The following RGS21 variants were observed in gnomAD, a reference collection of about 807,000 sequenced individuals.
The protein encoded by RGS21 is regulator of G protein signaling 21.
A neutral mutation model predicts 18.7 loss-of-function variants in RGS21; 19 were observed. The observed-to-expected ratio is 1.01, with a 90% CI of 0.71 to 1.49. RGS21 has a LOEUF of 1.49. Ranked by LOEUF, RGS21 falls within the 40% of genes most tolerant of loss-of-function variation. RGS21 has a pLI of 0.00. For synonymous variants in RGS21, 56 were observed against 57.8 expected, an observed-to-expected ratio of 0.97 and a Z score of 0.14; for missense variants, 194 against 176.8, an observed-to-expected ratio of 1.10 and a Z score of -0.55.
chr1:192,358,737 C>T (rs565980684), intron 4 of RGS21, among the ~76,000 whole-genome samples: 7 of 152,144 alleles, frequency 4.6e-5, no homozygotes, highest in Admixed American at 3.9e-4. Context: ...GCACAGATTA[C>T]GGTCACAAGA....
chr1:192,355,558 A>G (rs1031197972), intron 4 of RGS21, among the ~76,000 whole-genome samples: 1 of 151,570 alleles, frequency 6.6e-6, no homozygotes, highest in African/African-American at 2.4e-5. Flanking sequence ...TCATGACCCA[A>G]GTATTTTGAC....
At position 192,365,901 on chromosome 1, in the gene RGS21, T is replaced by C; in HGVS notation, c.256-20T>C. ...CTTTGATTAAACTAATTCAATGATA[T>C]GCAACCTTATTTTCCACAGATTAAC... On this transcript the variant is annotated intron_variant, in intron 4 of 4. Coordinates refer to ENST00000417209, the MANE Select transcript of RGS21 (RefSeq NM_001039152.3). 2 of 1,406,268 alleles carry C rather than the reference T, an allele frequency of 1.4e-6. No homozygotes were observed. Among genetic ancestry groups the C allele is most frequent in the Middle Eastern group, 1.8e-4 (1 of 5,656 alleles). The allele number at this position is 1,406,268 out of a possible 1,614,324, so 87.1% of individuals were successfully genotyped here.
chr1:192,333,628 C>CAAAA (rs376989840), intron 1 of RGS21, among the ~76,000 whole-genome samples: 12 of 102,390 alleles, frequency 1.2e-4, no homozygotes, highest in East Asian at 3.7e-4. Flanking sequence ...CTCAAAATGA[C>CAAAA]AAAAAAAAAA....
intron 1 of RGS21, among the ~76,000 whole-genome samples, chr1:192,326,922 A>T (rs1209094208): frequency 6.6e-6 from 1 of 152,176 alleles, no homozygotes; most frequent in Non-Finnish European, 1.5e-5. Context: ...AGAGCTCTCC[A>T]AAAAGTTCTA....
At chr1:192,359,813 T>C (rs1659163492) in intron 4 of RGS21, among the ~76,000 whole-genome samples, 1 of 150,834 alleles carries the variant, frequency 6.6e-6, no homozygotes, top group African/African-American at 2.4e-5. Flanking sequence ...GTAAGTTATA[T>C]ACATTATTTA....
In RGS21 at chr1:192,366,989, T is replaced by G. The variant is rs904137976; in HGVS notation, c.*865T>G. On this transcript the variant is annotated 3_prime_UTR_variant, in exon 5 of 5. Transcript: ENST00000417209. ...AAAACCCAAACAATTTTTAAATGCA[T>G]TTATTTTGAGATGTTCCTAAAATTG... is the stretch of plus-strand genomic sequence containing the variant. 1 of 152,076 alleles carries G rather than the reference T, an allele frequency of 6.6e-6. No homozygotes were observed. Among genetic ancestry groups the G allele is most frequent in the African/African-American group, 2.4e-5 (1 of 41,448 alleles). 9.4% of individuals were successfully genotyped at this position (152,076 alleles called of 1,614,324 possible). A position where few individuals can be genotyped will look rare whatever the true frequency, so the allele number is the denominator to read the frequency against.
intron 4 of RGS21, among the ~76,000 whole-genome samples, chr1:192,360,922 T>C (rs1196823125): frequency 1.3e-5 from 2 of 152,098 alleles, no homozygotes; most frequent in African/African-American, 4.8e-5. Flanking sequence ...GATTTCTTGA[T>C]TGACTTTTTA....
rs1354750002 is a variant in RGS21, at chr1:192,329,364, C to G, written c.-61+12259C>G. 2.0e-5 allele frequency among the ~76,000 whole-genome samples: 3 copies of G among 152,174 alleles called. No homozygotes were observed. The East Asian group carries it at 5.8e-4, about 29-fold the overall frequency. On this transcript the variant is annotated intron_variant, in intron 1 of 4. Coordinates refer to ENST00000417209, the MANE Select transcript of RGS21 (RefSeq NM_001039152.3). ...TTAATTTTGCTTCCCTAGGCCATTT[C>G]TCTGAGATTAACCAGGACTTCTGCC...
chr1:192,355,193 CAGTTTCCTCATCTGAAAA>C (rs1360701986), intron 4 of RGS21, among the ~76,000 whole-genome samples: 1 of 151,656 alleles, frequency 6.6e-6, no homozygotes, highest in Admixed American at 6.6e-5. Context: ...CTCTCTGCCT[CAGTTTCCTCATCTGAAAA>C]AGTATAATGA....
At chr1:192,349,791 G>C (rs1397411563) in intron 3 of RGS21, among the ~76,000 whole-genome samples, 1 of 152,088 alleles carries the variant, frequency 6.6e-6, no homozygotes, top group Non-Finnish European at 1.5e-5. Flanking sequence ...ATCATTAAAA[G>C]TGGAGAGCAA....
At chr1:192,347,818 C>T (rs1054792083) in intron 3 of RGS21, among the ~76,000 whole-genome samples, 1 of 151,868 alleles carries the variant, frequency 6.6e-6, no homozygotes. Context: ...CACCACCATA[C>T]CCGGCTAATT....
chr1:192,320,499 A>AACATGT (rs1444184180), intron 1 of RGS21, among the ~76,000 whole-genome samples: 1 of 115,086 alleles, frequency 8.7e-6, no homozygotes, highest in Non-Finnish European at 1.9e-5. Flanking sequence ...AATGTAAAGG[A>AACATGT]ATGTGTATGT....
intron 1 of RGS21, among the ~76,000 whole-genome samples, chr1:192,317,576 T>C (rs1009889090): frequency 6.6e-5 from 10 of 151,948 alleles, no homozygotes; most frequent in Non-Finnish European, 1.2e-4. Context: ...TAATGAATTA[T>C]ATAAATAAAG....
chr1:192,339,250 C>G (rs1658816954), intron 1 of RGS21, among the ~76,000 whole-genome samples: 2 of 151,550 alleles, frequency 1.3e-5, no homozygotes, highest in African/African-American at 4.8e-5. Context: ...TTGTTTAGCA[C>G]TTGCATCAAG....
Position 192,366,091 on chromosome 1 carries a change from T to C in RGS21, c.426T>C (p.Val142=). The C allele has an allele frequency of 1.9e-6, 3 of 1,610,440 alleles. No homozygotes were observed. The highest frequency in any genetic ancestry group is 2.5e-6 in the Non-Finnish European group (3 of 1,178,290). ...IYKKLVNSQQ[V]PNHKKWLPFL ...AAAAACTGGTAAATAGCCAACAGGTTCCAAATCATAAAAAATGGCTCCCTT... is the reference window on the plus strand; with the variant it reads ...AAAAACTGGTAAATAGCCAACAGGTCCCAAATCATAAAAAATGGCTCCCTT... The change falls in exon 5 of 5, where the codon GTT becomes GTC. Residue 142 remains valine (V), a synonymous_variant. Coordinates refer to ENST00000417209, the MANE Select transcript of RGS21 (RefSeq NM_001039152.3).
intron 4 of RGS21, among the ~76,000 whole-genome samples, chr1:192,360,361 C>G (rs1659170792): frequency 6.6e-6 from 1 of 152,094 alleles, no homozygotes; most frequent in African/African-American, 2.4e-5. Context: ...TAGACTATTT[C>G]TAATATCCAG....
At chr1:192,332,876 C>T (rs962433206) in intron 1 of RGS21, among the ~76,000 whole-genome samples, 4 of 151,966 alleles carry the variant, frequency 2.6e-5, no homozygotes, top group Non-Finnish European at 2.9e-5. Context: ...TACAGTCATG[C>T]CACTGCATTC....
At chr1:192,359,780 C>CTA (rs201335119) in intron 4 of RGS21, among the ~76,000 whole-genome samples, 5,353 of 140,260 alleles carry the variant, frequency 0.038, 156 homozygotes, top group East Asian at 0.087. Flanking sequence ...CTCTCTCTCT[C>CTA]TCTATATATA....
chr1:192,328,000 A>G (rs1334867043), intron 1 of RGS21, among the ~76,000 whole-genome samples: 3 of 152,234 alleles, frequency 2.0e-5, no homozygotes, highest in African/African-American at 7.2e-5. Context: ...TTGTCTGATC[A>G]AAGTGGAAAC....
Sources: gnomAD v4.1 joint callset for allele counts (sites outside exome capture counted in the v4.1 genomes callset) on GRCh38, gnomAD v4.1.1 for gene constraint, MANE v1.5 for transcripts, NCBI Gene and HGNC (gene_info 2026-07-23, HGNC 2026-07-21) for gene names.